Variants in EXT2 observed in about 807,000 individuals in gnomAD.
EXT2 encodes exostosin glycosyltransferase 2, also known as exostosin-2.
EXT2 carries 53 observed loss-of-function variants against 81.6 expected under a neutral mutation model. The ratio of observed to expected loss-of-function variants is 0.65; its 90% CI spans 0.52 to 0.82. The LOEUF (loss-of-function observed/expected upper bound fraction) is 0.82. Among genes scored for constraint, EXT2 ranks in the 40% least tolerant of loss-of-function variants. EXT2 has a pLI of 0.00. For synonymous variants in EXT2, 320 were observed against 340.0 expected (o/e 0.94, Z 0.65); for missense variants, 774 against 910.2 (o/e 0.85, Z 1.93).
At chr11:44,157,387 C>T (rs1172520761) in intron 7 of EXT2, among the ~76,000 whole-genome samples, 1 of 152,190 alleles carries the variant, frequency 6.6e-6, no homozygotes, top group Non-Finnish European at 1.5e-5. Flanking sequence ...GAGTTGGGAA[C>T]CTTAGGAATC....
chr11:44,210,718 G>A (rs567702847), intron 10 of EXT2, among the ~76,000 whole-genome samples: 1 of 152,294 alleles, frequency 6.6e-6, no homozygotes, highest in Non-Finnish European at 1.5e-5. Flanking sequence ...TACTCTAGCA[G>A]TAGCATAAAA....
At chr11:44,191,291 A>G (rs1453677603) in intron 8 of EXT2, among the ~76,000 whole-genome samples, 2 of 152,358 alleles carry the variant, frequency 1.3e-5, no homozygotes, top group East Asian at 3.9e-4. Flanking sequence ...TGAGCAAGGC[A>G]TTTTGGCCAA....
At chr11:44,118,328 C>T (rs1489371450) in intron 4 of EXT2, among the ~76,000 whole-genome samples, 1 of 151,782 alleles carries the variant, frequency 6.6e-6, no homozygotes, top group Non-Finnish European at 1.5e-5. Context: ...AGAAGCTTCC[C>T]TTTAGATAGC....
rs1432822263 is a variant in EXT2, at chr11:44,248,492, C to T, written c.*4205C>T. 6.6e-6 allele frequency among the ~76,000 whole-genome samples: 1 copy of T among 152,246 alleles called. No homozygotes were observed. Among genetic ancestry groups the T allele is most frequent in the Non-Finnish European group, 1.5e-5 (1 of 68,048 alleles). ...GTGTTTGGTACTCACCCACTTTCTA[C>T]TTCTGAGTAGAATCAAGGGCAGCAT... On this transcript the variant is annotated 3_prime_UTR_variant, in exon 14 of 14. Transcript: ENST00000533608.
chr11:44,144,959 C>T (rs1412813103), intron 7 of EXT2, among the ~76,000 whole-genome samples: 1 of 152,102 alleles, frequency 6.6e-6, no homozygotes, highest in Non-Finnish European at 1.5e-5. Context: ...GTGGAAGTGT[C>T]ATGAGGCTGT....
chr11:44,160,856 T>C (rs961650549), intron 7 of EXT2, among the ~76,000 whole-genome samples: 2 of 152,234 alleles, frequency 1.3e-5, no homozygotes, highest in African/African-American at 4.8e-5. Context: ...TTATTAGTTC[T>C]GATAGGTTTT....
intron 9 of EXT2, among the ~76,000 whole-genome samples, chr11:44,198,383 C>CAA (rs370369535): frequency 7.0e-5 from 10 of 141,884 alleles, no homozygotes; most frequent in East Asian, 4.0e-4. Context: ...TGTACTTTCT[C>CAA]AAAAAAAAAA....
At chr11:44,133,705 T>C (rs190150313) in intron 7 of EXT2, among the ~76,000 whole-genome samples, 165 of 152,314 alleles carry the variant, frequency 1.1e-3, no homozygotes, top group Non-Finnish European at 1.8e-3. Context: ...AAAATCCTGC[T>C]TAGCACAGGA....
chr11:44,128,939 C>T (rs1054298147), intron 6 of EXT2, among the ~76,000 whole-genome samples: 4 of 152,216 alleles, frequency 2.6e-5, no homozygotes, highest in African/African-American at 4.8e-5. Context: ...GCACACTTTC[C>T]GTCCTAATGG....
intron 13 of EXT2, among the ~76,000 whole-genome samples, chr11:44,243,400 G>T (rs766678951): frequency 3.3e-5 from 5 of 152,150 alleles, no homozygotes; most frequent in Admixed American, 6.5e-5. Flanking sequence ...TCCTCTGGCG[G>T]TGCTGTGCTG....
chr11:44,111,717 G>T lies in EXT2; in HGVS notation c.626+2434G>T, dbSNP rs181743873. On this transcript the variant is annotated intron_variant, in intron 3 of 13. Transcript: ENST00000533608. Reference sequence around the variant, plus strand: ...CACCACATATCCTCTGTCCAGCTTCGATCATTATCTTGAGGCCCGTCTTGT... The same window carrying T: ...CACCACATATCCTCTGTCCAGCTTCTATCATTATCTTGAGGCCCGTCTTGT... Among the ~76,000 whole-genome samples the T allele has an allele frequency of 1.4e-4, 21 of 152,186 alleles. 1 individual carries two copies. The highest frequency in any genetic ancestry group is 1.4e-3 in the Admixed American group (21 of 15,290).
At chr11:44,096,172 G>A in intron 1 of EXT2, 1 of 1,237,844 alleles carries the variant, frequency 8.1e-7, no homozygotes, top group Non-Finnish European at 1.1e-6. Flanking sequence ...CCTGCGACCC[G>A]CCCTCCGCCC....
intron 7 of EXT2, among the ~76,000 whole-genome samples, chr11:44,167,719 A>G (rs1313845488): frequency 1.3e-5 from 2 of 152,234 alleles, no homozygotes; most frequent in African/African-American, 4.8e-5. Flanking sequence ...GAAAAACGAC[A>G]GTAGAAAGAT....
At chr11:44,236,937 C>A (rs574243329) in intron 13 of EXT2, among the ~76,000 whole-genome samples, 2 of 152,212 alleles carry the variant, frequency 1.3e-5, no homozygotes, top group South Asian at 4.2e-4. Context: ...GAATGTAATC[C>A]TAGGCCTTGT....
chr11:44,120,312 C>T (rs1243592229), intron 4 of EXT2, among the ~76,000 whole-genome samples: 1 of 152,008 alleles, frequency 6.6e-6, no homozygotes, highest in Non-Finnish European at 1.5e-5. Context: ...TAGGAGTGTC[C>T]AGTTTATCTT....
chr11:44,109,307 C>T, intron 3 of EXT2, 24 bp downstream of exon 3: 3 of 1,573,860 alleles, frequency 1.9e-6, no homozygotes, highest in Non-Finnish European at 2.6e-6. Flanking sequence ...TTGGGGCTGT[C>T]CTTATGATGG....
At chr11:44,108,556 A>T (rs1954096605) in intron 2 of EXT2, among the ~76,000 whole-genome samples, 1 of 152,166 alleles carries the variant, frequency 6.6e-6, no homozygotes, top group Non-Finnish European at 1.5e-5. Flanking sequence ...TAAATATGCT[A>T]CCACCTCCTC....
intron 7 of EXT2, among the ~76,000 whole-genome samples, chr11:44,142,629 T>C (rs1017949803): frequency 1.3e-5 from 2 of 152,248 alleles, no homozygotes; most frequent in African/African-American, 4.8e-5. Context: ...TTTAATGATC[T>C]TATACATGTA....
At chr11:44,122,648 C>A (rs138666320) in intron 4 of EXT2, among the ~76,000 whole-genome samples, 72 of 152,258 alleles carry the variant, frequency 4.7e-4, no homozygotes, top group African/African-American at 1.7e-3. Flanking sequence ...AAAAAGGAAC[C>A]AGTCTGTACA....
Sources: allele counts gnomAD v4.1 joint callset (sites outside exome capture counted in the v4.1 genomes callset), GRCh38; gene constraint gnomAD v4.1.1; transcripts MANE v1.5; gene names NCBI Gene and HGNC (gene_info 2026-07-23, HGNC 2026-07-21).